Variants in CTNNA3 observed in about 807,000 individuals in gnomAD.
The protein encoded by CTNNA3 is catenin alpha 3, also known as catenin alpha-3.
CTNNA3 carries 76 observed loss-of-function variants against 95.7 expected under a neutral mutation model. That is an observed-to-expected ratio of 0.79 (90% CI 0.66 to 0.96). The LOEUF is 0.96. Among genes scored for constraint, CTNNA3 ranks in the 40% least tolerant of loss-of-function variants. The pLI is 0.00. For synonymous variants in CTNNA3, 431 were observed against 374.4 expected (o/e 1.15, Z -1.74); for missense variants, 1,191 against 1,089.8 (o/e 1.09, Z -1.31).
At chr10:67,008,809 A>T (rs1852159285) in intron 7 of CTNNA3, among the ~76,000 whole-genome samples, 1 of 152,182 alleles carries the variant, frequency 6.6e-6, no homozygotes, top group Non-Finnish European at 1.5e-5. Flanking sequence ...CCAGTGCATA[A>T]GAATCTTTTT....
intron 11 of CTNNA3, among the ~76,000 whole-genome samples, chr10:66,468,840 A>AT (rs1158362131): frequency 2.0e-5 from 3 of 151,838 alleles, no homozygotes; most frequent in Admixed American, 6.6e-5. Flanking sequence ...ATTTTCTGGT[A>AT]TTTTTTCAAT....
chr10:66,505,731 G>A (rs145229965), intron 11 of CTNNA3, among the ~76,000 whole-genome samples: 3 of 152,102 alleles, frequency 2.0e-5, no homozygotes, highest in African/African-American at 7.2e-5. Context: ...GGGAACACCT[G>A]TTTTATATTG....
intron 7 of CTNNA3, among the ~76,000 whole-genome samples, chr10:66,990,195 G>A (rs1412619819): frequency 6.6e-6 from 1 of 152,076 alleles, no homozygotes; most frequent in Non-Finnish European, 1.5e-5. Flanking sequence ...ACCAAGTCAG[G>A]TTCTCTTCCA....
chr10:67,627,106 G>A (rs907313356), intron 2 of CTNNA3, among the ~76,000 whole-genome samples: 1 of 152,170 alleles, frequency 6.6e-6, no homozygotes, highest in African/African-American at 2.4e-5. Context: ...AACTGTAAGT[G>A]CTGGCTGCTG....
intron 5 of CTNNA3, among the ~76,000 whole-genome samples, chr10:67,242,131 A>G (rs1865738075): frequency 6.6e-6 from 1 of 152,224 alleles, no homozygotes; most frequent in Non-Finnish European, 1.5e-5. Flanking sequence ...TGTTGTAACT[A>G]ATACAACTAA....
In CTNNA3 at chr10:66,331,732, G is replaced by A. The variant is rs532357855; in HGVS notation, c.1732+47420C>T. On this transcript the variant is annotated intron_variant, in intron 12 of 17. Transcript: ENST00000433211. ...TTGTAGTATAGTTTGAAGTCAGGTA[G>A]CGTGATGCCTCTGGCTTTGTTCTTT... Among the ~76,000 whole-genome samples, 213 of 152,036 alleles carry A rather than the reference G, an allele frequency of 1.4e-3. 3 individuals carry two copies. The highest frequency in any genetic ancestry group is 5.0e-3 in the African/African-American group (208 of 41,474).
chr10:67,201,034 C>A lies in CTNNA3; in HGVS notation c.843+18573G>T, dbSNP rs537930439. 1.9e-3 allele frequency among the ~76,000 whole-genome samples: 294 copies of A among 152,242 alleles called. 1 individual carries two copies. Among genetic ancestry groups the A allele is most frequent in the African/African-American group, 6.4e-3 (266 of 41,526 alleles). ...TCTGTTTGGCTGTATCTATTTATTA[C>A]ATTGCTTCATCCATCACCGGAGTTC... is the stretch of plus-strand genomic sequence containing the variant. On this transcript the variant is annotated intron_variant, in intron 6 of 17. Transcript: ENST00000433211.
At chr10:66,314,676 A>C (rs1453628280) in intron 12 of CTNNA3, among the ~76,000 whole-genome samples, 1 of 152,132 alleles carries the variant, frequency 6.6e-6, no homozygotes, top group Non-Finnish European at 1.5e-5. Flanking sequence ...GTTGAATAAA[A>C]TAGAGTAGAA....
At chr10:67,041,023 A>G (rs1854358215) in intron 7 of CTNNA3, among the ~76,000 whole-genome samples, 1 of 152,134 alleles carries the variant, frequency 6.6e-6, no homozygotes, top group East Asian at 1.9e-4. Flanking sequence ...AGTAGGAGAA[A>G]AAGCAGATCT....
At chr10:66,238,613 G>A (rs930989764) in intron 13 of CTNNA3, among the ~76,000 whole-genome samples, 4 of 151,802 alleles carry the variant, frequency 2.6e-5, no homozygotes, top group African/African-American at 9.6e-5. Flanking sequence ...GACTTAAATG[G>A]GAGTAAAAAC....
At chr10:66,366,088 T>C (rs887296287) in intron 12 of CTNNA3, among the ~76,000 whole-genome samples, 1 of 152,168 alleles carries the variant, frequency 6.6e-6, no homozygotes, top group Non-Finnish European at 1.5e-5. Context: ...AGATTTGCTA[T>C]GCAGCATAAA....
At chr10:66,096,501 C>A (rs2081391281) in intron 14 of CTNNA3, among the ~76,000 whole-genome samples, 1 of 148,090 alleles carries the variant, frequency 6.8e-6, no homozygotes, top group African/African-American at 2.5e-5. Flanking sequence ...TTGTTTTTTT[C>A]TTTTTTCTTT....
chr10:66,727,010 G>A (rs1482527484), intron 9 of CTNNA3, among the ~76,000 whole-genome samples: 2 of 152,018 alleles, frequency 1.3e-5, no homozygotes, highest in African/African-American at 4.8e-5. Flanking sequence ...ATGTTTAAAA[G>A]CACCAGCATA....
At position 67,219,931 on chromosome 10, in the gene CTNNA3, T is replaced by A. The variant is rs1027160208; in HGVS notation, c.580-61A>T. 3.0e-6 allele frequency: 4 copies of A among 1,331,346 alleles called. No individual in the cohort carries two copies. In the Admixed American group the frequency reaches 9.7e-5, roughly 32 times the overall value. The allele number at this position is 1,331,346 out of a possible 1,614,324, so 82.5% of individuals were successfully genotyped here. A position where few individuals can be genotyped will look rare whatever the true frequency, so the allele number is the denominator to read the frequency against. The stretch of plus-strand genomic sequence containing the variant: ...TGGGTTATGGGAGAAAGACTTAAAT[T>A]AAAAAGCTTCTTTTTTTGTAAGTAT... On this transcript the variant is annotated intron_variant, in intron 5 of 17. Transcript: ENST00000433211.
chr10:66,733,005 T>A (rs10762099), intron 9 of CTNNA3, among the ~76,000 whole-genome samples: 95,847 of 151,712 alleles, frequency 0.63, 30,856 homozygotes, highest in East Asian at 0.94. Flanking sequence ...CATGTTGAAC[T>A]GGCTGGTCTT....
At chr10:66,415,004 G>A (rs2093135152) in intron 11 of CTNNA3, among the ~76,000 whole-genome samples, 1 of 152,104 alleles carries the variant, frequency 6.6e-6, no homozygotes, top group Admixed American at 6.5e-5. Context: ...CAGGTGGCAT[G>A]CATGCTCCCC....
intron 17 of CTNNA3, among the ~76,000 whole-genome samples, chr10:65,942,020 A>C (rs2077438309): frequency 6.6e-6 from 1 of 152,208 alleles, no homozygotes; most frequent in Non-Finnish European, 1.5e-5. Flanking sequence ...TTGTTTGCTT[A>C]CTGAAATGGT....
At position 66,565,785 on chromosome 10, in the gene CTNNA3, A is replaced by C. The variant is rs1842685538; in HGVS notation, c.1375-45012T>G. ...TGAGCTCCTTCCTCTCATTGCACTG[A>C]TCTCTCCTTGTGAATAAACATTTTC... On this transcript the variant is annotated intron_variant, in intron 10 of 17. Transcript: ENST00000433211. Among the ~76,000 whole-genome samples, 5 of 152,116 alleles carry C rather than the reference A, an allele frequency of 3.3e-5. No homozygotes were observed. The South Asian group carries it at 1.0e-3, about 32-fold the overall frequency.
intron 4 of CTNNA3, among the ~76,000 whole-genome samples, chr10:67,525,294 C>T (rs1840109018): frequency 6.6e-6 from 1 of 151,908 alleles, no homozygotes; most frequent in South Asian, 2.1e-4. Flanking sequence ...CCAGCACTTG[C>T]TGGAAAAGTA....
Sources: gnomAD v4.1 joint callset for allele counts (sites outside exome capture counted in the v4.1 genomes callset) on GRCh38, gnomAD v4.1.1 for gene constraint, MANE v1.5 for transcripts, NCBI Gene and HGNC (gene_info 2026-07-23, HGNC 2026-07-21) for gene names.